DENND1A: variants seen among roughly 807,000 people sequenced by gnomAD.
DENND1A encodes DENN domain-containing protein 1A.
A neutral mutation model predicts 113.7 loss-of-function variants in DENND1A; 51 were observed. The ratio of observed to expected loss-of-function variants is 0.45; its 90% CI spans 0.36 to 0.57. The LOEUF (loss-of-function observed/expected upper bound fraction) is 0.57. Among genes scored for constraint, DENND1A ranks in the 20% least tolerant of loss-of-function variants. The pLI is 0.00. For synonymous variants in DENND1A, 565 were observed against 570.8 expected (o/e 0.99, Z 0.14); for missense variants, 1,258 against 1,395.9 (o/e 0.90, Z 1.57).
At chr9:123,698,648 T>C (rs747193325) in intron 5 of DENND1A, among the ~76,000 whole-genome samples, 3 of 152,188 alleles carry the variant, frequency 2.0e-5, no homozygotes, top group Non-Finnish European at 4.4e-5. Context: ...AACCACCAAA[T>C]AGTCAGCTCT....
intron 1 of DENND1A, among the ~76,000 whole-genome samples, chr9:123,927,287 T>C (rs554723987): frequency 6.6e-6 from 1 of 152,300 alleles, no homozygotes; most frequent in African/African-American, 2.4e-5. Flanking sequence ...TTACACACAA[T>C]ATTGTTTTAA....
chr9:123,687,912 T>C (rs920652348), intron 5 of DENND1A, among the ~76,000 whole-genome samples: 4 of 152,242 alleles, frequency 2.6e-5, no homozygotes, highest in Non-Finnish European at 2.9e-5. Flanking sequence ...ATTAATTACA[T>C]GGAAGCCCAG....
chr9:123,525,551 C>T (rs1299570542), intron 13 of DENND1A, among the ~76,000 whole-genome samples: 1 of 152,170 alleles, frequency 6.6e-6, no homozygotes, highest in Middle Eastern at 3.2e-3. Flanking sequence ...CCGTTTCTCA[C>T]TGATCAATAA....
chr9:123,809,270 C>T (rs1836137609), intron 2 of DENND1A, among the ~76,000 whole-genome samples: 1 of 152,168 alleles, frequency 6.6e-6, no homozygotes, highest in South Asian at 2.1e-4. Flanking sequence ...AGTAAGCTTT[C>T]AGAAAATCAC....
chr9:123,489,591 C>G (rs193222370), intron 13 of DENND1A, among the ~76,000 whole-genome samples: 1 of 152,240 alleles, frequency 6.6e-6, no homozygotes, highest in African/African-American at 2.4e-5. Context: ...ACATAAAAGT[C>G]AAGTTTGGCT....
chr9:123,451,952 C>G (rs1433016194), intron 17 of DENND1A, among the ~76,000 whole-genome samples: 1 of 149,818 alleles, frequency 6.7e-6, no homozygotes, highest in Non-Finnish European at 1.5e-5. Context: ...AATCCCAGCA[C>G]TTTGGGAGGC....
chr9:123,817,638 C>T (rs2768817), intron 2 of DENND1A, among the ~76,000 whole-genome samples: 38,832 of 152,074 alleles, frequency 0.26, 9,030 homozygotes, highest in African/African-American at 0.62. Flanking sequence ...ATAAAGGATA[C>T]AGCTCTCTGG....
At chr9:123,407,733 G>T (rs897079920) in intron 20 of DENND1A, among the ~76,000 whole-genome samples, 1 of 152,132 alleles carries the variant, frequency 6.6e-6, no homozygotes. Context: ...GTTCAAGGGG[G>T]ACTGGAGGGG....
chr9:123,425,740 A>G (rs1430885437), intron 19 of DENND1A, among the ~76,000 whole-genome samples: 2 of 152,240 alleles, frequency 1.3e-5, no homozygotes, highest in Non-Finnish European at 2.9e-5. Context: ...AAGCCAGCAT[A>G]GGGACAGTGC....
At chr9:123,704,652 G>A (rs979342226) in intron 5 of DENND1A, among the ~76,000 whole-genome samples, 3 of 152,106 alleles carry the variant, frequency 2.0e-5, no homozygotes, top group African/African-American at 7.2e-5. Flanking sequence ...AAGCTTTGTG[G>A]ACAACTAAAA....
At chr9:123,687,139 G>A (rs1165478135) in intron 5 of DENND1A, among the ~76,000 whole-genome samples, 2 of 151,982 alleles carry the variant, frequency 1.3e-5, no homozygotes, top group African/African-American at 4.8e-5. Context: ...AGGAGAGACG[G>A]GCACACAGAG....
At chr9:123,830,969 C>T (rs367591547) in intron 2 of DENND1A, among the ~76,000 whole-genome samples, 70 of 148,084 alleles carry the variant, frequency 4.7e-4, no homozygotes, top group African/African-American at 1.2e-3. Context: ...CTTAAGCCCA[C>T]GTAATAAGAA....
chr9:123,403,581 C>G lies in DENND1A; in HGVS notation c.1543-91G>C, dbSNP rs1004689981. On this transcript the variant is annotated intron_variant, in intron 20 of 23. Coordinates refer to ENST00000394215, the MANE Select transcript of DENND1A (RefSeq NM_001352964.2). ...TGAACATTTGGATAAACGGCCCCCCCAAAAAACGTTTAGGGATTTTCAAAG... is the reference window on the plus strand; with the variant it reads ...TGAACATTTGGATAAACGGCCCCCCGAAAAAACGTTTAGGGATTTTCAAAG... 23 of 1,202,390 alleles carry G rather than the reference C, an allele frequency of 1.9e-5. No homozygotes were observed. In the East Asian group the frequency reaches 2.0e-4, roughly 11 times the overall value. 74.5% of individuals were successfully genotyped at this position (1,202,390 alleles called of 1,614,324 possible). A position where few individuals can be genotyped will look rare whatever the true frequency, so the allele number is the denominator to read the frequency against.
chr9:123,740,198 C>T (rs997073888), intron 5 of DENND1A, among the ~76,000 whole-genome samples: 1 of 152,160 alleles, frequency 6.6e-6, no homozygotes, highest in African/African-American at 2.4e-5. Context: ...AAAAAAAATC[C>T]TGTGCAAAAC....
intron 5 of DENND1A, among the ~76,000 whole-genome samples, chr9:123,735,853 G>A (rs10986094): frequency 0.073 from 11,175 of 152,060 alleles, 548 homozygotes; most frequent in African/African-American, 0.13. Context: ...ACAAAAATTA[G>A]CCGGGCATGA....
intron 1 of DENND1A, among the ~76,000 whole-genome samples, chr9:123,884,999 A>G (rs34295863): frequency 0.033 from 2,007 of 59,916 alleles, 17 homozygotes; most frequent in East Asian, 0.034. Context: ...GCGCGCGCGC[A>G]CACACACACA....
intron 13 of DENND1A, among the ~76,000 whole-genome samples, chr9:123,508,375 A>C (rs769158975): frequency 3.3e-5 from 5 of 152,244 alleles, no homozygotes; most frequent in Non-Finnish European, 7.3e-5. Context: ...TGGTTCGTAA[A>C]TTCTAAGACG....
chr9:123,595,718 C>A (rs1291550719), intron 11 of DENND1A, among the ~76,000 whole-genome samples: 2 of 152,144 alleles, frequency 1.3e-5, no homozygotes, highest in Non-Finnish European at 2.9e-5. Context: ...ATGCTCCTTA[C>A]CTTCAGGGTT....
intron 13 of DENND1A, among the ~76,000 whole-genome samples, chr9:123,494,814 C>T (rs762924291): frequency 7.2e-5 from 11 of 151,796 alleles, no homozygotes; most frequent in Non-Finnish European, 1.0e-4. Flanking sequence ...TTTTTTGAGA[C>T]AGAGTCTTAC....
Sources: gnomAD v4.1 joint callset for allele counts (sites outside exome capture counted in the v4.1 genomes callset) on GRCh38, gnomAD v4.1.1 for gene constraint, MANE v1.5 for transcripts, NCBI Gene and HGNC (gene_info 2026-07-23, HGNC 2026-07-21) for gene names.